Variants in CBFB observed in about 807,000 individuals in gnomAD.
CBFB encodes the protein core-binding factor subunit beta, also known as CBF-beta.
CBFB carries 9 observed loss-of-function variants against 30.4 expected under a neutral mutation model. The ratio of observed to expected loss-of-function variants is 0.30; its 90% CI spans 0.18 to 0.52. CBFB has a LOEUF of 0.52. Among genes scored for constraint, CBFB ranks in the 20% least tolerant of loss-of-function variants. The pLI, the probability that CBFB is intolerant of heterozygous loss-of-function variation, is 0.97. For synonymous variants in CBFB, 94 were observed against 84.0 expected (o/e 1.12, Z -0.65); for missense variants, 170 against 244.0 (o/e 0.70, Z 2.02).
intron 3 of CBFB, among the ~76,000 whole-genome samples, chr16:67,052,238 A>T (rs541283447): frequency 3.9e-5 from 6 of 152,304 alleles, no homozygotes; most frequent in Admixed American, 2.6e-4. Context: ...GTTAAGTAAC[A>T]TTATTAAAAT....
intron 3 of CBFB, among the ~76,000 whole-genome samples, chr16:67,049,918 A>T (rs1966708534): frequency 6.6e-6 from 1 of 152,076 alleles, no homozygotes; most frequent in African/African-American, 2.4e-5. Flanking sequence ...TTGATTTTAC[A>T]GCTGAGGAAA....
At chr16:67,086,106 A>G (rs1961726276) in intron 5 of CBFB, among the ~76,000 whole-genome samples, 1 of 152,216 alleles carries the variant, frequency 6.6e-6, no homozygotes. Context: ...GGAGGGATAT[A>G]TGTGATACTT....
chr16:67,043,781 A>G (rs1166313134), intron 3 of CBFB, among the ~76,000 whole-genome samples: 1 of 152,192 alleles, frequency 6.6e-6, no homozygotes, highest in Non-Finnish European at 1.5e-5. Context: ...CAGTTAGGCA[A>G]TTTGATGGTT....
intron 3 of CBFB, among the ~76,000 whole-genome samples, chr16:67,046,663 C>T (rs1308717247): frequency 2.0e-5 from 3 of 152,210 alleles, no homozygotes; most frequent in Non-Finnish European, 4.4e-5. Flanking sequence ...CTCATGCCCC[C>T]TTGCAGGTAG....
At chr16:67,066,293 A>T (rs1463274906) in intron 3 of CBFB, among the ~76,000 whole-genome samples, 1 of 150,782 alleles carries the variant, frequency 6.6e-6, no homozygotes, top group East Asian at 1.9e-4. Context: ...CACGCCTGTA[A>T]TCCTAGCACT....
chr16:67,069,094 A>C (rs903108188), intron 4 of CBFB, among the ~76,000 whole-genome samples: 4 of 152,262 alleles, frequency 2.6e-5, no homozygotes, highest in African/African-American at 9.6e-5. Flanking sequence ...CATGCCTGTA[A>C]TCCCACCTAC....
chr16:67,043,254 A>T (rs147175651), intron 3 of CBFB, among the ~76,000 whole-genome samples: 4 of 152,358 alleles, frequency 2.6e-5, no homozygotes, highest in Middle Eastern at 3.4e-3. Context: ...ACTTAAATTT[A>T]GCGAACTCAG....
intron 5 of CBFB, among the ~76,000 whole-genome samples, chr16:67,085,336 A>G (rs1322906924): frequency 6.6e-6 from 1 of 151,812 alleles, no homozygotes; most frequent in Non-Finnish European, 1.5e-5. Context: ...CGCCCGGCAA[A>G]TTTTTGTATT....
intron 3 of CBFB, among the ~76,000 whole-genome samples, chr16:67,044,747 C>A (rs552268758): frequency 1.3e-5 from 2 of 152,260 alleles, no homozygotes; most frequent in South Asian, 4.2e-4. Flanking sequence ...TGTTTATATA[C>A]CATCCACAAT....
At chr16:67,048,636 T>C (rs1201289020) in intron 3 of CBFB, among the ~76,000 whole-genome samples, 1 of 151,850 alleles carries the variant, frequency 6.6e-6, no homozygotes, top group African/African-American at 2.4e-5. Context: ...CTGCAAGCTC[T>C]GCCTCCCGGG....
chr16:67,092,698 C>CTTTTTTTTTTTTTTTTTTTTT lies in CBFB; in HGVS notation c.496-6000_496-5980dup, dbSNP rs777213321. ...CCAGGCTAGGTTACAGTGGTGCAAT[C>CTTTTTTTTTTTTTTTTTTTTT]TTTTTTTTTTTTTTTTTTTTTTTTT... On this transcript the variant is annotated intron_variant, in intron 5 of 5. Coordinates refer to ENST00000412916, the MANE Select transcript of CBFB (RefSeq NM_022845.3). 1.2e-4 allele frequency among the ~76,000 whole-genome samples: 4 copies of CTTTTTTTTTTTTTTTTTTTTT among 33,528 alleles called. 1 individual carries two copies. The highest frequency in any genetic ancestry group is 2.3e-4 in the African/African-American group (2 of 8,718). The allele number at this position is 33,528 out of a possible 152,430, so 22.0% of individuals were successfully genotyped here.
chr16:67,056,559 T>C (rs1334885729), intron 3 of CBFB, among the ~76,000 whole-genome samples: 2 of 152,186 alleles, frequency 1.3e-5, no homozygotes, highest in East Asian at 1.9e-4. Context: ...TTACCCAGTA[T>C]TTACTATGTT....
chr16:67,033,351 C>G (rs1042230282), intron 2 of CBFB, among the ~76,000 whole-genome samples: 4 of 152,036 alleles, frequency 2.6e-5, no homozygotes, highest in African/African-American at 9.7e-5. Flanking sequence ...CTGATTTATT[C>G]TTTTTTGAGA....
intron 5 of CBFB, among the ~76,000 whole-genome samples, chr16:67,084,775 G>A (rs1195931323): frequency 2.0e-5 from 3 of 152,158 alleles, no homozygotes; most frequent in Admixed American, 1.3e-4. Flanking sequence ...GTGTGTGTGT[G>A]TGTGCGTGCA....
At chr16:67,032,320 G>C (rs1597119302) in intron 2 of CBFB, among the ~76,000 whole-genome samples, 4 of 152,086 alleles carry the variant, frequency 2.6e-5, no homozygotes, top group Admixed American at 2.6e-4. Context: ...GTGAGACCCG[G>C]TCTCCAAAAA....
intron 5 of CBFB, among the ~76,000 whole-genome samples, chr16:67,095,794 G>A (rs932710256): frequency 1.3e-5 from 2 of 150,086 alleles, no homozygotes; most frequent in East Asian, 2.0e-4. Flanking sequence ...TCTGGTTCAC[G>A]CGATCCTCCT....
intron 4 of CBFB, among the ~76,000 whole-genome samples, chr16:67,069,356 CA>C (rs1216635120): frequency 1.4e-5 from 2 of 147,774 alleles, no homozygotes; most frequent in African/African-American, 5.0e-5. Context: ...GGCGACAGAG[CA>C]AGACTTCATC....
Position 67,099,249 on chromosome 16 carries a change from T to C in CBFB, c.*471T>C. On this transcript the variant is annotated 3_prime_UTR_variant, in exon 6 of 6. Coordinates refer to ENST00000412916, the MANE Select transcript of CBFB (RefSeq NM_022845.3). ...CTTATTTTTTGTTTTGTTTGCCCCA[T>C]TTCCTTTTGTGTTTTTATAGTCTAT... The C allele has an allele frequency of 4.3e-6, 1 of 232,230 alleles. No homozygotes were observed. Among genetic ancestry groups the C allele is most frequent in the Non-Finnish European group, 8.5e-6 (1 of 117,682 alleles). The allele number at this position is 232,230 out of a possible 1,614,324, so 14.4% of individuals were successfully genotyped here. A position where few individuals can be genotyped will look rare whatever the true frequency, so the allele number is the denominator to read the frequency against.
intron 3 of CBFB, among the ~76,000 whole-genome samples, chr16:67,049,970 T>C (rs1966709072): frequency 1.3e-5 from 2 of 152,038 alleles, no homozygotes; most frequent in African/African-American, 4.8e-5. Context: ...AGTCGTATTA[T>C]CTGTTTCCTG....
Sources: allele counts gnomAD v4.1 joint callset (sites outside exome capture counted in the v4.1 genomes callset), GRCh38; gene constraint gnomAD v4.1.1; transcripts MANE v1.5; gene names NCBI Gene and HGNC (gene_info 2026-07-23, HGNC 2026-07-21).